SRRM2: variants seen among roughly 807,000 people sequenced by gnomAD.
The protein encoded by SRRM2 is serine/arginine repetitive matrix protein 2.
Under a neutral mutation model 213.8 loss-of-function variants are expected in SRRM2, and 30 were observed. That is an observed-to-expected ratio of 0.14 (90% CI 0.10 to 0.19). The LOEUF is 0.19. Among genes scored for constraint, SRRM2 ranks in the 10% least tolerant of loss-of-function variants. The pLI is 1.00. For missense variants in SRRM2, 4,904 were observed against 3,647.0 expected (o/e 1.34, Z -8.88); for synonymous variants, 2,025 against 1,377.7 (o/e 1.47, Z -10.40).
At position 2,761,999 on chromosome 16, in the gene SRRM2, A is replaced by G. The variant is rs757067784; in HGVS notation, c.1471A>G (p.Lys491Glu). 1.2e-6 allele frequency: 2 copies of G among 1,614,122 alleles called. No homozygotes were observed. The highest frequency in any genetic ancestry group is 1.7e-6 in the Non-Finnish European group (2 of 1,180,030). The change falls in exon 11 of 15, where the codon AAG (lysine) becomes GAG (glutamate). Residue 491 changes from lysine (K) to glutamate (E), a missense_variant. Lys to Glu is a moderately conservative substitution (Grantham distance 56). Transcript: ENST00000301740. ...GAGGTCCCGTAGCCCTGCCACCGCTAAGAGAGGGCGATCTCGGTCTCGAAC... is the reference window on the plus strand; with the variant it reads ...GAGGTCCCGTAGCCCTGCCACCGCTGAGAGAGGGCGATCTCGGTCTCGAAC... The part of the protein sequence containing the change: ...MGRSRSPATA[K>E]RGRSRSRTPT...
Position 2,766,983 on chromosome 16 carries a change from C to T in SRRM2, c.6455C>T (p.Ala2152Val), listed in dbSNP as rs777458621. 3 of 1,614,118 alleles carry T rather than the reference C, an allele frequency of 1.9e-6. No individual in the cohort carries two copies. Among genetic ancestry groups the T allele is most frequent in the African/African-American group, 1.3e-5 (1 of 75,008 alleles). Residue 2152 changes from alanine to valine, a missense_variant, in exon 11 of 15, where the codon GCC (alanine) becomes GTC (valine). Ala to Val is a moderately conservative substitution (Grantham distance 64, BLOSUM62 0). Coordinates refer to ENST00000301740, the MANE Select transcript of SRRM2 (RefSeq NM_016333.4). This position sits in a 1 kb window ranked among gnomAD's most constrained non-coding sequence, Gnocchi z 7.0. ...SRTPMSVLQQ[A>V]GGSMMDGPGP... ...ACACCCATGTCTGTCCTGCAGCAAG[C>T]CGGCGGCTCCATGATGGATGGTCCA...
chr16:2,763,929 A>G lies in SRRM2; in HGVS notation c.3401A>G (p.Glu1134Gly), dbSNP rs1438102953. ...ATGTTGAAATCTGGAATGTCTCCTGAGCAGAGCAGGTTCCAGTCTGACTCT... is the reference window on the plus strand; with the variant it reads ...ATGTTGAAATCTGGAATGTCTCCTGGGCAGAGCAGGTTCCAGTCTGACTCT... ...SPMLKSGMSP[E>G]QSRFQSDSSS... Residue 1134 changes from glutamate to glycine, a missense_variant, in exon 11 of 15, where the codon GAG (glutamate) becomes GGG (glycine). Coordinates refer to ENST00000301740, the MANE Select transcript of SRRM2 (RefSeq NM_016333.4). 1 of 1,614,094 alleles carries G rather than the reference A, an allele frequency of 6.2e-7. No individual in the cohort carries two copies. Among genetic ancestry groups the G allele is most frequent in the Non-Finnish European group, 8.5e-7 (1 of 1,180,056 alleles).
At position 2,759,558 on chromosome 16, in the gene SRRM2, T is replaced by C; in HGVS notation, c.741-11T>C. The C allele has an allele frequency of 6.2e-7, 1 of 1,613,934 alleles. No homozygotes were observed. The highest frequency in any genetic ancestry group is 8.5e-7 in the Non-Finnish European group (1 of 1,179,930). On this transcript the variant is annotated splice_polypyrimidine_tract_variant and intron_variant, in intron 8 of 14. Transcript: ENST00000301740. Reference sequence around the variant, plus strand: ...GCAGTACCCTGAGCTGTGGTGGTGGTCTTCCTTCAGGTCTCGAAGTACAAC... The same window carrying C: ...GCAGTACCCTGAGCTGTGGTGGTGGCCTTCCTTCAGGTCTCGAAGTACAAC...
chr16:2,754,831 T>A (rs570111410), intron 1 of SRRM2, among the ~76,000 whole-genome samples: 168 of 152,328 alleles, frequency 1.1e-3, no homozygotes, highest in African/African-American at 3.9e-3. Flanking sequence ...ATACAGTTTT[T>A]CATTTTTTCC....
chr16:2,753,036 A>ACCCCCCCCC (rs5815132), intron 1 of SRRM2, among the ~76,000 whole-genome samples, 190 bp downstream of exon 1: 89 of 138,376 alleles, frequency 6.4e-4, no homozygotes, highest in Non-Finnish European at 1.0e-3. Flanking sequence ...CGCGGGCTTC[A>ACCCCCCCCC]CCCCCCCCCG....
chr16:2,764,541 C>G lies in SRRM2; in HGVS notation c.4013C>G (p.Pro1338Arg). 2 of 1,614,188 alleles carry G rather than the reference C, an allele frequency of 1.2e-6. No individual in the cohort carries two copies. Among genetic ancestry groups the G allele is most frequent in the Non-Finnish European group, 1.7e-6 (2 of 1,180,052 alleles). ...CCTTTAGAATTTAGAAACTCAGGCC[C>G]ACTTGGTACAGAAATGAATACTGGA... Reference protein sequence around the residue: ...GSPLEFRNSGPLGTEMNTGFS... With the variant: ...GSPLEFRNSGRLGTEMNTGFS... The change falls in exon 11 of 15, where the codon CCA (proline) becomes CGA (arginine). Residue 1338 changes from proline (P) to arginine (R), a missense_variant. Pro to Arg is a moderately radical substitution (Grantham distance 103). Transcript: ENST00000301740.
rs2068503898 is a variant in SRRM2 at position 2,765,406 on chromosome 16, T to C, written c.4878T>C (p.Ala1626=). Residue 1626 remains alanine (A), a synonymous_variant, in exon 11 of 15, where the codon GCT becomes GCC. Coordinates refer to ENST00000301740, the MANE Select transcript of SRRM2 (RefSeq NM_016333.4). ...SGSDSSPEPK[A]PAPRALPRRS... The stretch of plus-strand genomic sequence containing the variant: ...CTGATTCCTCTCCTGAACCTAAAGC[T>C]CCAGCCCCTCGGGCCCTTCCCAGAC... The C allele has an allele frequency of 6.2e-7, 1 of 1,613,876 alleles. No individual in the cohort carries two copies. Among genetic ancestry groups the C allele is most frequent in the Non-Finnish European group, 8.5e-7 (1 of 1,179,994 alleles).
rs747742322 is a variant in SRRM2, at chr16:2,765,747, G to A, written c.5219G>A (p.Arg1740Lys). ...VSSPEPAEKS[R>K]SSRRRRSASS... Reference sequence around the variant, plus strand: ...TCCCCGGAGCCAGCCGAAAAATCGAGGTCTTCACGCCGACGGCGCTCAGCT... The same window carrying A: ...TCCCCGGAGCCAGCCGAAAAATCGAAGTCTTCACGCCGACGGCGCTCAGCT... The change falls in exon 11 of 15, where the codon AGG becomes AAG. Residue 1740 changes from arginine to lysine, a missense_variant. By Grantham distance (26) the Arg-to-Lys change is conservative. Coordinates refer to ENST00000301740, the MANE Select transcript of SRRM2 (RefSeq NM_016333.4). The A allele has an allele frequency of 6.2e-7, 1 of 1,614,100 alleles. No individual in the cohort carries two copies. The highest frequency in any genetic ancestry group is 8.5e-7 in the Non-Finnish European group (1 of 1,180,042).
At chr16:2,753,389 G>C (rs996526081) in intron 1 of SRRM2, 2 of 152,272 alleles carry the variant, frequency 1.3e-5, no homozygotes, top group African/African-American at 4.8e-5. Flanking sequence ...TGCGGGGAGG[G>C]CCTTGAACTT....
Position 2,766,382 on chromosome 16 carries a change from C to T in SRRM2, c.5854C>T (p.Pro1952Ser). 6.2e-7 allele frequency: 1 copy of T among 1,614,140 alleles called. No individual in the cohort carries two copies. Among genetic ancestry groups the T allele is most frequent in the Non-Finnish European group, 8.5e-7 (1 of 1,180,022 alleles). ...TRRRSRSRTP[P>S]VTRRRSRSRT... is the part of the protein sequence containing the mutation. ...CCGCCGCTCCCGTTCTAGAACTCCA[C>T]CAGTGACTCGCAGAAGGTCCAGATC... The change falls in exon 11 of 15, where the codon CCA becomes TCA. Residue 1952 changes from proline (P) to serine (S), a missense_variant. Transcript: ENST00000301740. This position sits in a 1 kb window ranked among gnomAD's most constrained non-coding sequence, Gnocchi z 7.0.
At chr16:2,758,442 A>G (rs761510531) in intron 4 of SRRM2, 28 bp from the exon 5 acceptor site, 3 of 1,579,900 alleles carry the variant, frequency 1.9e-6, no homozygotes, top group East Asian at 2.2e-5. Context: ...TCTACCACCC[A>G]TCTCTGCTGC....
In SRRM2 at chr16:2,762,930, C is replaced by A; in HGVS notation, c.2402C>A (p.Ser801Tyr). ...CCACCCAGGCGCAGTCGCTCTGGATCCTCCCAACCTAAAGCTAAATCTAGA... is the reference window on the plus strand; with the variant it reads ...CCACCCAGGCGCAGTCGCTCTGGATACTCCCAACCTAAAGCTAAATCTAGA... ...QTPPRRSRSG[S>Y]SQPKAKSRTP... is the part of the protein sequence containing the mutation. Residue 801 changes from serine to tyrosine, a missense_variant, in exon 11 of 15, where the codon TCC becomes TAC. Ser to Tyr is a moderately radical substitution (Grantham distance 144). Transcript: ENST00000301740. The A allele has an allele frequency of 6.2e-7, 1 of 1,610,556 alleles. No individual in the cohort carries two copies. Among genetic ancestry groups the A allele is most frequent in the Non-Finnish European group, 8.5e-7 (1 of 1,176,914 alleles).
chr16:2,752,963 C>T (rs737035), intron 1 of SRRM2, 117 bp downstream of exon 1: 1 of 153,464 alleles, frequency 6.5e-6, no homozygotes, highest in Admixed American at 6.6e-5. Flanking sequence ...CACGCGCGCT[C>T]GACGCCCTTC....
chr16:2,766,399 G>A lies in SRRM2; in HGVS notation c.5871G>A (p.Arg1957=), dbSNP rs1372205387. 9 of 1,612,472 alleles carry A rather than the reference G, an allele frequency of 5.6e-6. No individual in the cohort carries two copies. The East Asian group carries it at 2.0e-4, about 36-fold the overall frequency. ...RSRTPPVTRR[R]SRSRTPPVTR... ...GAACTCCACCAGTGACTCGCAGAAG[G>A]TCCAGATCCAGGACTCCACCAGTAA... The change falls in exon 11 of 15, where the codon AGG becomes AGA. Residue 1957 remains arginine (R), a synonymous_variant. Coordinates refer to ENST00000301740, the MANE Select transcript of SRRM2 (RefSeq NM_016333.4). The surrounding 1 kb of genome is among the most constrained non-coding windows in gnomAD (Gnocchi z 7.0).
At position 2,764,256 on chromosome 16, in the gene SRRM2, A is replaced by G. The variant is rs1482164078; in HGVS notation, c.3728A>G (p.Glu1243Gly). 3.1e-6 allele frequency: 5 copies of G among 1,614,060 alleles called. No homozygotes were observed. Among genetic ancestry groups the G allele is most frequent in the Middle Eastern group, 1.6e-4 (1 of 6,062 alleles). ...GATGAAGAGTTAATGGAGGTGGTAG[A>G]GAAGTCTGAAGAACCCGCAGGCCAA... is the stretch of plus-strand genomic sequence containing the variant. ...SQDEELMEVV[E>G]KSEEPAGQIL... Residue 1243 changes from glutamate to glycine, a missense_variant, in exon 11 of 15, where the codon GAG (glutamate) becomes GGG (glycine). Physicochemically the swap from Glu to Gly is moderately conservative, Grantham distance 98 (BLOSUM62 -2). Transcript: ENST00000301740.
At chr16:2,758,672 C>G in intron 5 of SRRM2, 125 bp downstream of exon 5, 1 of 897,416 alleles carries the variant, frequency 1.1e-6, no homozygotes, top group African/African-American at 1.7e-5. Context: ...GAGGGAGTTA[C>G]CATTGAGGCC....
chr16:2,770,126 C>T (rs1266834143), intron 12 of SRRM2: 10 of 1,419,826 alleles, frequency 7.0e-6, no homozygotes, highest in East Asian at 5.1e-5. Context: ...CCTTCAAGGG[C>T]AGGGACTGTC....
rs751350898 is a variant in SRRM2 at position 2,765,966 on chromosome 16, G to C, written c.5438G>C (p.Arg1813Pro). Reference sequence around the variant, plus strand: ...CGGTCAAGGTCGCGGGTTACTCGGCGGCGGAGGGGAGGCTCTGGTTATCAC... The same window carrying C: ...CGGTCAAGGTCGCGGGTTACTCGGCCGCGGAGGGGAGGCTCTGGTTATCAC... ...RSRSRSRVTR[R>P]RRGGSGYHSR... The change falls in exon 11 of 15, where the codon CGG becomes CCG. Residue 1813 changes from arginine (R) to proline (P), a missense_variant. Arg to Pro is a moderately radical substitution (Grantham distance 103, BLOSUM62 -2). Transcript: ENST00000301740. The C allele has an allele frequency of 3.5e-5, 56 of 1,614,010 alleles. No individual in the cohort carries two copies. The highest frequency in any genetic ancestry group is 1.6e-4 in the Middle Eastern group (1 of 6,084).
chr16:2,759,314 AAAG>A (rs2068257418), intron 7 of SRRM2, 35 bp from the exon 8 acceptor site: 1 of 1,609,872 alleles, frequency 6.2e-7, no homozygotes, highest in African/African-American at 1.3e-5. Flanking sequence ...TTCCTTTTTT[AAAG>A]AAGTTACTTT....
Sources: allele counts gnomAD v4.1 joint callset (sites outside exome capture counted in the v4.1 genomes callset), GRCh38; gene constraint gnomAD v4.1.1; non-coding constraint Gnocchi (gnomAD v3.1); transcripts MANE v1.5; gene names NCBI Gene and HGNC (gene_info 2026-07-23, HGNC 2026-07-21).